Variants in PTPRT observed in about 807,000 individuals in gnomAD.
PTPRT encodes receptor-type tyrosine-protein phosphatase T.
In PTPRT, 56 loss-of-function variants were observed where a neutral mutation model predicts 176.8. The observed-to-expected ratio is 0.32, with a 90% CI of 0.26 to 0.40. The LOEUF is 0.40. Among genes scored for constraint, PTPRT ranks in the 10% least tolerant of loss-of-function variants. The pLI is 1.00. For missense variants in PTPRT, 1,540 were observed against 1,908.2 expected, an observed-to-expected ratio of 0.81 and a Z score of 3.60; for synonymous variants, 783 against 739.0, an observed-to-expected ratio of 1.06 and a Z score of -0.96.
At chr20:43,022,553 G>T (rs973021578) in intron 1 of PTPRT, among the ~76,000 whole-genome samples, 7 of 152,224 alleles carry the variant, frequency 4.6e-5, no homozygotes, top group African/African-American at 1.7e-4. Flanking sequence ...AAGTAAAAGA[G>T]TAGGTCAAAT....
intron 1 of PTPRT, among the ~76,000 whole-genome samples, chr20:43,129,909 C>T (rs1600733416): frequency 2.0e-5 from 3 of 152,106 alleles, no homozygotes; most frequent in Admixed American, 6.6e-5. Context: ...TGAGCCACCG[C>T]GCCCAGCCCA....
chr20:42,540,330 A>C (rs1172614486), intron 7 of PTPRT, among the ~76,000 whole-genome samples: 25 of 152,104 alleles, frequency 1.6e-4, no homozygotes, highest in Non-Finnish European at 2.9e-5. Context: ...TCACATGCTG[A>C]CCTGCTGTGA....
intron 6 of PTPRT, among the ~76,000 whole-genome samples, chr20:42,720,283 G>A (rs2076285203): frequency 6.6e-6 from 1 of 152,154 alleles, no homozygotes; most frequent in Non-Finnish European, 1.5e-5. Flanking sequence ...AGAATGGGAG[G>A]TAAAAATCAC....
chr20:43,016,846 C>A (rs952184741), intron 1 of PTPRT, among the ~76,000 whole-genome samples: 1 of 151,810 alleles, frequency 6.6e-6, no homozygotes, highest in Non-Finnish European at 1.5e-5. Flanking sequence ...CCTCTCACTG[C>A]CTATCTCCTT....
At chr20:42,669,399 T>C (rs2075375524) in intron 7 of PTPRT, among the ~76,000 whole-genome samples, 1 of 152,154 alleles carries the variant, frequency 6.6e-6, no homozygotes, top group South Asian at 2.1e-4. Context: ...CTGGGTGGGA[T>C]AGTGAGTCCA....
chr20:42,259,187 C>T (rs931692409), intron 13 of PTPRT, among the ~76,000 whole-genome samples: 1 of 152,222 alleles, frequency 6.6e-6, no homozygotes, highest in Non-Finnish European at 1.5e-5. Context: ...CCTTGTTTTA[C>T]ACTGTAAATG....
chr20:43,036,932 A>G (rs1986404439), intron 1 of PTPRT, among the ~76,000 whole-genome samples: 1 of 152,240 alleles, frequency 6.6e-6, no homozygotes, highest in Admixed American at 6.5e-5. Context: ...AAGAATGTTT[A>G]ATAAATCTGA....
intron 17 of PTPRT, among the ~76,000 whole-genome samples, chr20:42,150,803 T>C (rs1325952545): frequency 1.3e-5 from 2 of 152,218 alleles, no homozygotes; most frequent in Non-Finnish European, 2.9e-5. Context: ...AACTTTTTGG[T>C]TGATGAAATT....
chr20:42,344,655 T>C (rs948321972), intron 11 of PTPRT, among the ~76,000 whole-genome samples: 10 of 152,188 alleles, frequency 6.6e-5, no homozygotes, highest in African/African-American at 2.4e-4. Flanking sequence ...GAGAATGGCA[T>C]GCTTGGTGGA....
intron 9 of PTPRT, among the ~76,000 whole-genome samples, chr20:42,440,728 T>C (rs867865555): frequency 8.5e-5 from 13 of 152,132 alleles, no homozygotes; most frequent in South Asian, 6.2e-4. Context: ...CCGCCCGCCT[T>C]GGCCTCCCAA....
At chr20:42,476,502 C>G (rs887797004) in intron 7 of PTPRT, among the ~76,000 whole-genome samples, 4 of 152,132 alleles carry the variant, frequency 2.6e-5, no homozygotes, top group African/African-American at 9.7e-5. Context: ...CACGTGGGAA[C>G]ACAGGGACCA....
chr20:42,106,746 G>T, intron 24 of PTPRT, 40 bp downstream of exon 24: 1 of 1,602,636 alleles, frequency 6.2e-7, no homozygotes, highest in Non-Finnish European at 8.5e-7. Context: ...CCTTGGTCAG[G>T]GCTACAGGTG....
In PTPRT at chr20:43,137,805, C is replaced by T. The variant is rs1224084534; in HGVS notation, c.88+51841G>A. On this transcript the variant is annotated intron_variant, in intron 1 of 30. Coordinates refer to ENST00000373187, the MANE Select transcript of PTPRT (RefSeq NM_007050.6). ...ACGCGCGTACACACACACATGCACA[C>T]GCAAGCTGAGTTCCAAGTGTGACAT... 5.3e-5 allele frequency among the ~76,000 whole-genome samples: 8 copies of T among 152,160 alleles called. 1 individual carries two copies. The highest frequency in any genetic ancestry group is 2.6e-4 in the Admixed American group (4 of 15,278).
At chr20:42,854,192 A>AT (rs1237407067) in intron 2 of PTPRT, among the ~76,000 whole-genome samples, 1 of 152,070 alleles carries the variant, frequency 6.6e-6, no homozygotes, top group Non-Finnish European at 1.5e-5. Context: ...ATACGTACCC[A>AT]TTTGTTTCCT....
chr20:42,429,765 A>G (rs556331295), intron 9 of PTPRT, among the ~76,000 whole-genome samples: 1 of 152,362 alleles, frequency 6.6e-6, no homozygotes, highest in East Asian at 1.9e-4. Context: ...ATTATAAACT[A>G]ACAAGTAGGA....
chr20:42,883,570 G>C (rs932557899), intron 2 of PTPRT, among the ~76,000 whole-genome samples: 1 of 151,682 alleles, frequency 6.6e-6, no homozygotes, highest in Non-Finnish European at 1.5e-5. Context: ...ACATGCTACA[G>C]GGCTTTAAGT....
intron 7 of PTPRT, among the ~76,000 whole-genome samples, chr20:42,580,118 A>C (rs984652094): frequency 6.6e-6 from 1 of 152,196 alleles, no homozygotes; most frequent in East Asian, 1.9e-4. Context: ...AGCTTTCTAC[A>C]TATGGCTAGC....
chr20:42,743,749 A>G (rs773098878), intron 6 of PTPRT, among the ~76,000 whole-genome samples: 5 of 152,226 alleles, frequency 3.3e-5, no homozygotes, highest in Non-Finnish European at 5.9e-5. Context: ...AAAACAATAC[A>G]ACGTGAGCAT....
chr20:43,076,172 G>A (rs1194715830), intron 1 of PTPRT, among the ~76,000 whole-genome samples: 1 of 152,100 alleles, frequency 6.6e-6, no homozygotes, highest in Admixed American at 6.5e-5. Context: ...TGGGTGGGCA[G>A]ATAGTGCCTT....
Sources: allele counts gnomAD v4.1 joint callset (sites outside exome capture counted in the v4.1 genomes callset), GRCh38; gene constraint gnomAD v4.1.1; transcripts MANE v1.5; gene names NCBI Gene and HGNC (gene_info 2026-07-23, HGNC 2026-07-21).